Variants in DACH1 observed in about 807,000 individuals in gnomAD.
DACH1 encodes dachshund family transcription factor 1.
In DACH1, 12 loss-of-function variants were observed where a neutral mutation model predicts 54.2. The ratio of observed to expected loss-of-function variants is 0.22; its 90% confidence interval spans 0.14 to 0.36. The LOEUF (loss-of-function observed/expected upper bound fraction) is 0.36. Ranked by LOEUF, DACH1 falls within the 10% of genes least tolerant of loss-of-function variation. The pLI, the probability that DACH1 is intolerant of heterozygous loss-of-function variation, is 1.00. For missense variants in DACH1, 805 were observed against 929.8 expected (o/e 0.87, Z 1.75); for synonymous variants, 386 against 366.2 (o/e 1.05, Z -0.62).
intron 1 of DACH1, among the ~76,000 whole-genome samples, chr13:71,816,090 AAAAAT>A (rs921557900): frequency 1.3e-5 from 2 of 152,144 alleles, no homozygotes; most frequent in Non-Finnish European, 2.9e-5. Flanking sequence ...GTCTCCAAAA[AAAAAT>A]AAAATAAAAT....
At chr13:71,526,170 T>C (rs548933575) in intron 6 of DACH1, among the ~76,000 whole-genome samples, 1 of 152,320 alleles carries the variant, frequency 6.6e-6, no homozygotes, top group East Asian at 1.9e-4. Context: ...AGGAATTCAA[T>C]ATGGAATAAT....
At chr13:71,816,540 G>A (rs1248075634) in intron 1 of DACH1, among the ~76,000 whole-genome samples, 2 of 148,694 alleles carry the variant, frequency 1.3e-5, no homozygotes, top group Admixed American at 6.7e-5. Flanking sequence ...TAAAGAAAAT[G>A]TGGTATGTGG....
At position 71,721,864 on chromosome 13, in the gene DACH1, G is replaced by C. The variant is rs570671642; in HGVS notation, c.849-39954C>G. 5.3e-5 allele frequency among the ~76,000 whole-genome samples: 8 copies of C among 152,188 alleles called. No homozygotes were observed. In the East Asian group the frequency reaches 9.6e-4, roughly 18 times the overall value. ...AATATGTTAAAGCATTTTACTTCTT[G>C]AGTGGTACATTATAGACACTTAAAG... On this transcript the variant is annotated intron_variant, in intron 1 of 10. Transcript: ENST00000613252.
intron 4 of DACH1, among the ~76,000 whole-genome samples, chr13:71,561,348 A>G (rs114515283): frequency 6.6e-6 from 1 of 152,320 alleles, no homozygotes; most frequent in African/African-American, 2.4e-5. Context: ...GTCTTTGCAG[A>G]CATAATTAGT....
chr13:71,597,121 G>T (rs1035276070), intron 3 of DACH1, among the ~76,000 whole-genome samples: 1 of 152,222 alleles, frequency 6.6e-6, no homozygotes, highest in East Asian at 1.9e-4. Flanking sequence ...GGTATAATAA[G>T]CTATGATTTT....
At chr13:71,655,355 GTC>G (rs1269997149) in intron 2 of DACH1, among the ~76,000 whole-genome samples, 2 of 146,586 alleles carry the variant, frequency 1.4e-5, no homozygotes, top group East Asian at 3.9e-4. Flanking sequence ...CATTGGTGAT[GTC>G]TCTTTTTTTT....
intron 1 of DACH1, among the ~76,000 whole-genome samples, chr13:71,764,687 G>A (rs1006728451): frequency 2.0e-5 from 3 of 152,120 alleles, no homozygotes; most frequent in African/African-American, 7.2e-5. Flanking sequence ...CAAAGTACAT[G>A]CTCAATAAAT....
intron 2 of DACH1, among the ~76,000 whole-genome samples, chr13:71,659,111 G>A (rs906841963): frequency 6.6e-6 from 1 of 151,976 alleles, no homozygotes; most frequent in African/African-American, 2.4e-5. Context: ...AGAAAACAAA[G>A]TACACATTTA....
At chr13:71,835,847 T>A in intron 1 of DACH1, among the ~76,000 whole-genome samples, 1 of 152,044 alleles carries the variant, frequency 6.6e-6, no homozygotes, top group Non-Finnish European at 1.5e-5. Flanking sequence ...TTTATACAGA[T>A]TCATTTTCTA....
At chr13:71,787,803 C>T (rs1276873451) in intron 1 of DACH1, among the ~76,000 whole-genome samples, 1 of 152,038 alleles carries the variant, frequency 6.6e-6, no homozygotes, top group Non-Finnish European at 1.5e-5. Context: ...TTTGGTGCAA[C>T]TCTATAAAGG....
intron 1 of DACH1, among the ~76,000 whole-genome samples, chr13:71,791,463 C>A (rs1886830030): frequency 6.6e-6 from 1 of 152,142 alleles, no homozygotes; most frequent in Non-Finnish European, 1.5e-5. Flanking sequence ...TCACTGCAAC[C>A]TCCACCTCCA....
chr13:71,689,558 A>C (rs1330008266), intron 1 of DACH1, among the ~76,000 whole-genome samples: 1 of 152,198 alleles, frequency 6.6e-6, no homozygotes, highest in Non-Finnish European at 1.5e-5. Context: ...GGTGAGGATA[A>C]ATTATTGTGG....
rs541336073 is a variant in DACH1, at chr13:71,796,683, A to T, written c.848+69239T>A. 3.0e-3 allele frequency among the ~76,000 whole-genome samples: 450 copies of T among 152,214 alleles called. 2 individuals carry two copies. The highest frequency in any genetic ancestry group is 0.01 in the African/African-American group (426 of 41,572). On this transcript the variant is annotated intron_variant, in intron 1 of 10. Coordinates refer to ENST00000613252, the MANE Select transcript of DACH1 (RefSeq NM_080759.6). ...TAGGAAATCACATAAAGAAAATCTCATAAAGAAGAAAATCACATAGAGACA... is the reference window on the plus strand; with the variant it reads ...TAGGAAATCACATAAAGAAAATCTCTTAAAGAAGAAAATCACATAGAGACA...
chr13:71,680,088 G>A (rs1409367263), intron 2 of DACH1, among the ~76,000 whole-genome samples: 1 of 151,964 alleles, frequency 6.6e-6, no homozygotes, highest in African/African-American at 2.4e-5. Flanking sequence ...GATTAACAAC[G>A]TACTACCTAT....
At chr13:71,581,530 G>A (rs146560854) in intron 3 of DACH1, among the ~76,000 whole-genome samples, 61 of 152,156 alleles carry the variant, frequency 4.0e-4, no homozygotes, top group African/African-American at 1.4e-3. Flanking sequence ...CTGGGATAAT[G>A]GGCATGAGCC....
At chr13:71,770,930 C>T (rs1225550195) in intron 1 of DACH1, among the ~76,000 whole-genome samples, 1 of 151,496 alleles carries the variant, frequency 6.6e-6, no homozygotes, top group Non-Finnish European at 1.5e-5. Context: ...GTTAACTTCC[C>T]TGTACTAGGA....
At chr13:71,848,353 T>C (rs1339000561) in intron 1 of DACH1, among the ~76,000 whole-genome samples, 1 of 152,210 alleles carries the variant, frequency 6.6e-6, no homozygotes, top group African/African-American at 2.4e-5. Flanking sequence ...GTTATATGTA[T>C]ATAAGGACTT....
At chr13:71,862,850 TG>T (rs1341736099) in intron 1 of DACH1, among the ~76,000 whole-genome samples, 2 of 152,076 alleles carry the variant, frequency 1.3e-5, no homozygotes, top group Non-Finnish European at 2.9e-5. Context: ...TGTAAAAAGC[TG>T]AGAGTGCTAA....
At chr13:71,523,610 T>C (rs1881752721) in intron 6 of DACH1, among the ~76,000 whole-genome samples, 1 of 152,094 alleles carries the variant, frequency 6.6e-6, no homozygotes, top group Non-Finnish European at 1.5e-5. Context: ...TGACACCCTC[T>C]TCCAAGTGAT....
Sources: allele counts gnomAD v4.1 joint callset (sites outside exome capture counted in the v4.1 genomes callset), GRCh38; gene constraint gnomAD v4.1.1; transcripts MANE v1.5; gene names NCBI Gene and HGNC (gene_info 2026-07-23, HGNC 2026-07-21).